GRIA2: variants seen among roughly 807,000 people sequenced by gnomAD.
GRIA2 encodes the protein glutamate ionotropic receptor AMPA type subunit 2.
A neutral mutation model predicts 97.3 loss-of-function variants in GRIA2; 14 were observed. The observed-to-expected ratio is 0.14, with a 90% CI of 0.10 to 0.23. The LOEUF (loss-of-function observed/expected upper bound fraction) is 0.23, where lower values mean the gene tolerates loss of function less well. GRIA2 is among the 10% of genes least tolerant of loss of function. The pLI is 1.00. For missense variants in GRIA2, 558 were observed against 1,069.8 expected (o/e 0.52, Z 6.67); for synonymous variants, 412 against 387.8 (o/e 1.06, Z -0.73).
chr4:157,231,435 C>T (rs995147075), intron 2 of GRIA2, among the ~76,000 whole-genome samples: 1 of 152,048 alleles, frequency 6.6e-6, no homozygotes, highest in African/African-American at 2.4e-5. Flanking sequence ...CCTTGGCCTC[C>T]CAAAGCACTG....
intron 2 of GRIA2, among the ~76,000 whole-genome samples, chr4:157,302,001 C>T (rs529888004): frequency 1.3e-5 from 2 of 152,014 alleles, no homozygotes; most frequent in South Asian, 2.1e-4. Flanking sequence ...GGTGAAACCC[C>T]GTCTCTACTA....
At chr4:157,317,961 G>GA (rs1283942398) in intron 5 of GRIA2, among the ~76,000 whole-genome samples, 1 of 151,994 alleles carries the variant, frequency 6.6e-6, no homozygotes, top group Non-Finnish European at 1.5e-5. Flanking sequence ...AGTGACAAGA[G>GA]ACAAACCCTG....
intron 2 of GRIA2, among the ~76,000 whole-genome samples, chr4:157,279,146 C>A (rs1732481582): frequency 6.6e-6 from 1 of 152,094 alleles, no homozygotes; most frequent in South Asian, 2.1e-4. Context: ...ATACAAAAAC[C>A]TGTACTTGGG....
intron 2 of GRIA2, among the ~76,000 whole-genome samples, chr4:157,256,183 A>AATATATAAC (rs1426376739): frequency 7.3e-6 from 1 of 136,448 alleles, no homozygotes; most frequent in Non-Finnish European, 1.5e-5. Context: ...TATTATATAT[A>AATATATAAC]ATATATAACA....
intron 12 of GRIA2, among the ~76,000 whole-genome samples, chr4:157,355,674 ATATT>A (rs1189510136): frequency 9.5e-6 from 1 of 105,056 alleles, no homozygotes; most frequent in Non-Finnish European, 1.9e-5. Context: ...TTATTTTTAT[ATATT>A]TATTTATATA....
chr4:157,279,955 T>C (rs958165940), intron 2 of GRIA2, among the ~76,000 whole-genome samples: 6 of 151,898 alleles, frequency 4.0e-5, no homozygotes, highest in African/African-American at 1.5e-4. Context: ...TAAAACCCCG[T>C]CTCTACTAAA....
At chr4:157,360,618 A>G (rs892628348) in intron 13 of GRIA2, 1 of 443,738 alleles carries the variant, frequency 2.3e-6, no homozygotes, top group African/African-American at 2.0e-5. Flanking sequence ...CTTTGGGGAA[A>G]GGAAAATGCA....
intron 2 of GRIA2, among the ~76,000 whole-genome samples, chr4:157,257,898 T>G (rs2126760383): frequency 6.6e-6 from 1 of 152,252 alleles, no homozygotes; most frequent in Admixed American, 6.5e-5. Context: ...CATGGACATT[T>G]ATTAATTCAC....
At chr4:157,255,519 A>G (rs1263647950) in intron 2 of GRIA2, among the ~76,000 whole-genome samples, 1 of 152,042 alleles carries the variant, frequency 6.6e-6, no homozygotes, top group East Asian at 1.9e-4. Flanking sequence ...TTATATTCTT[A>G]CCAACAGTGT....
intron 2 of GRIA2, 87 bp downstream of exon 2, chr4:157,221,894 G>T: frequency 7.9e-7 from 1 of 1,266,916 alleles, no homozygotes; most frequent in East Asian, 2.3e-5. Context: ...GGGGTGGTGT[G>T]TGTGCGTTTC....
intron 12 of GRIA2, among the ~76,000 whole-genome samples, chr4:157,355,861 A>G (rs1261691396): frequency 1.0e-5 from 1 of 98,934 alleles, no homozygotes; most frequent in African/African-American, 4.3e-5. Flanking sequence ...ATATATATGT[A>G]TATATTAACA....
intron 2 of GRIA2, among the ~76,000 whole-genome samples, chr4:157,263,896 T>C (rs1731656814): frequency 6.6e-6 from 1 of 152,134 alleles, no homozygotes; most frequent in Non-Finnish European, 1.5e-5. Context: ...TACAATTAAC[T>C]TTATTTTTCT....
At chr4:157,358,208 A>G (rs1736477020) in intron 12 of GRIA2, among the ~76,000 whole-genome samples, 1 of 152,170 alleles carries the variant, frequency 6.6e-6, no homozygotes, top group Non-Finnish European at 1.5e-5. Flanking sequence ...ATGAAGGCAG[A>G]CTATAGGAGA....
chr4:157,357,264 C>T (rs945945932), intron 12 of GRIA2, among the ~76,000 whole-genome samples: 1 of 152,082 alleles, frequency 6.6e-6, no homozygotes, highest in Non-Finnish European at 1.5e-5. Flanking sequence ...AATGTCTTGT[C>T]CTAATGAATC....
intron 6 of GRIA2, among the ~76,000 whole-genome samples, chr4:157,325,923 G>A (rs1734784428): frequency 6.6e-6 from 1 of 152,066 alleles, no homozygotes; most frequent in South Asian, 2.1e-4. Flanking sequence ...GGTCCTTTTA[G>A]AGTATAAATA....
chr4:157,281,837 C>G (rs1732612824), intron 2 of GRIA2, among the ~76,000 whole-genome samples: 1 of 152,076 alleles, frequency 6.6e-6, no homozygotes, highest in African/African-American at 2.4e-5. Flanking sequence ...CACGTCCTAG[C>G]TTTTTTATGT....
At chr4:157,259,970 A>G (rs757268930) in intron 2 of GRIA2, among the ~76,000 whole-genome samples, 4 of 152,056 alleles carry the variant, frequency 2.6e-5, no homozygotes, top group Non-Finnish European at 1.5e-5. Context: ...TCAATCTCCA[A>G]ATTAGAATTC....
At chr4:157,323,647 G>A (rs1325927216) in intron 6 of GRIA2, among the ~76,000 whole-genome samples, 1 of 152,106 alleles carries the variant, frequency 6.6e-6, no homozygotes, top group Non-Finnish European at 1.5e-5. Context: ...TGCCTGCTAG[G>A]AGAAGCATGA....
At chr4:157,360,196 C>T in intron 13 of GRIA2, 53 bp downstream of exon 13, 1 of 1,557,748 alleles carries the variant, frequency 6.4e-7, no homozygotes, top group Non-Finnish European at 8.8e-7. Flanking sequence ...ATCCCACCTA[C>T]CCTGATGTAT....
Sources: allele counts gnomAD v4.1 joint callset (sites outside exome capture counted in the v4.1 genomes callset), GRCh38; gene constraint gnomAD v4.1.1; transcripts MANE v1.5; gene names NCBI Gene and HGNC (gene_info 2026-07-23, HGNC 2026-07-21).